Variants in PSMB5 observed in about 807,000 individuals in gnomAD.
PSMB5 encodes proteasome 20S subunit beta 5.
PSMB5 carries 2 observed loss-of-function variants against 22.8 expected under a neutral mutation model. The observed-to-expected ratio is 0.09, with a 90% CI of 0.04 to 0.28. PSMB5 has a LOEUF of 0.28. Among genes scored for constraint, PSMB5 ranks in the 10% least tolerant of loss-of-function variants. PSMB5 has a pLI of 1.00. For missense variants in PSMB5, 269 were observed against 343.8 expected (o/e 0.78, Z 1.72); for synonymous variants, 133 against 135.3 (o/e 0.98, Z 0.12).
chr14:23,032,404 A>G (rs1235029486), intron 2 of PSMB5, among the ~76,000 whole-genome samples: 1 of 152,184 alleles, frequency 6.6e-6, no homozygotes, highest in Non-Finnish European at 1.5e-5. Flanking sequence ...AAACAATGCC[A>G]TTACACGCCA....
rs1483767451 is a variant in PSMB5, at chr14:23,030,406, G to A, written c.505+2962C>T. 2.0e-5 allele frequency among the ~76,000 whole-genome samples: 3 copies of A among 151,064 alleles called. No individual in the cohort carries two copies. The East Asian group carries it at 6.1e-4, about 31-fold the overall frequency. ...CGGGAGGCTGAGGCAGGAGAATGGC[G>A]TGAATCCGGGAGGCGGAGCTTGCAG... is the stretch of plus-strand genomic sequence containing the variant. On this transcript the variant is annotated intron_variant, in intron 2 of 2. Coordinates refer to ENST00000361611, the MANE Select transcript of PSMB5 (RefSeq NM_002797.5).
intron 1 of PSMB5, 122 bp downstream of exon 1, chr14:23,034,562 C>A: frequency 2.6e-6 from 3 of 1,168,916 alleles, no homozygotes; most frequent in Non-Finnish European, 3.6e-6. Context: ...GCGGTCCGAA[C>A]GAGAGGACCC....
chr14:23,027,919 G>T, intron 2 of PSMB5: 2 of 894,700 alleles, frequency 2.2e-6, no homozygotes, highest in Non-Finnish European at 3.4e-6. Context: ...CGAGGCAGGT[G>T]GGTCACCTGA....
chr14:23,032,865 G>A (rs894376911), intron 2 of PSMB5, among the ~76,000 whole-genome samples: 32 of 150,200 alleles, frequency 2.1e-4, no homozygotes, highest in African/African-American at 7.4e-4. Context: ...CCAAAGTGCT[G>A]GGATTACAGG....
upstream of PSMB5, chr14:23,035,022 A>G (rs1003785365): frequency 5.6e-6 from 8 of 1,424,892 alleles, no homozygotes; most frequent in African/African-American, 1.4e-5. Flanking sequence ...ACGCCTCCAA[A>G]AAGAAGAGCC....
intron 2 of PSMB5, among the ~76,000 whole-genome samples, chr14:23,029,670 C>A (rs1482997451): frequency 6.6e-6 from 1 of 152,230 alleles, no homozygotes; most frequent in East Asian, 1.9e-4. Context: ...CCTGCCTCAG[C>A]CTCCTGAGTA....
In PSMB5 at chr14:23,034,847, G is replaced by T. The variant is rs756568325; in HGVS notation, c.35C>A (p.Pro12Gln). The T allele has an allele frequency of 1.2e-6, 2 of 1,614,222 alleles. No individual in the cohort carries two copies. Among genetic ancestry groups the T allele is most frequent in the South Asian group, 1.1e-5 (1 of 91,084 alleles). ...TCCGAAAAACCCGCGCTGGTTCACC[G>T]GTAGCGGTCTCTCCAACACGCTGGC... is the stretch of plus-strand genomic sequence containing the variant. ...ALASVLERPL[P>Q]VNQRGFFGLG... The change falls in exon 1 of 3, where the codon CCG (proline) becomes CAG (glutamine). Residue 12 changes from proline to glutamine, a missense_variant. Pro to Gln is a moderately conservative substitution (Grantham distance 76). Coordinates refer to ENST00000361611, the MANE Select transcript of PSMB5 (RefSeq NM_002797.5).
At chr14:23,026,773 G>C (rs943699320) in intron 2 of PSMB5, among the ~76,000 whole-genome samples, 1 of 148,726 alleles carries the variant, frequency 6.7e-6, no homozygotes, top group Non-Finnish European at 1.5e-5. Context: ...TTAAAACCTA[G>C]AATAAAATTT....
intron 2 of PSMB5, among the ~76,000 whole-genome samples, chr14:23,032,602 T>C (rs1594715043): frequency 6.6e-6 from 1 of 151,886 alleles, no homozygotes; most frequent in East Asian, 1.9e-4. Context: ...AATTCTTTTT[T>C]TTGTTTTTTT....
At chr14:23,034,917 G>T, upstream of PSMB5, 1 of 1,596,162 alleles carries the variant, frequency 6.3e-7, no homozygotes, top group East Asian at 2.3e-5. Flanking sequence ...TTCTGAGAAC[G>T]CCTAGCAAAG....
chr14:23,034,323 T>C (rs1400185097), intron 1 of PSMB5, among the ~76,000 whole-genome samples: 1 of 152,118 alleles, frequency 6.6e-6, no homozygotes, highest in Non-Finnish European at 1.5e-5. Flanking sequence ...GGCCGCCCAG[T>C]TTCCAAAACT....
chr14:23,034,420 A>C, intron 1 of PSMB5: 1 of 442,290 alleles, frequency 2.3e-6, no homozygotes, highest in Non-Finnish European at 4.1e-6. Flanking sequence ...AACAGCAGCA[A>C]CCTGGGGTCG....
At chr14:23,033,106 C>G (rs2046965467) in intron 2 of PSMB5, among the ~76,000 whole-genome samples, 1 of 151,326 alleles carries the variant, frequency 6.6e-6, no homozygotes, top group Non-Finnish European at 1.5e-5. Context: ...GGGGTTTCGC[C>G]ATGTTGGCCA....
intron 2 of PSMB5, among the ~76,000 whole-genome samples, chr14:23,032,022 G>A (rs1045610553): frequency 2.0e-5 from 3 of 152,198 alleles, no homozygotes; most frequent in African/African-American, 7.2e-5. Context: ...CTGGGAGGCA[G>A]AGATTGCAGT....
intron 2 of PSMB5, chr14:23,027,912 G>A: frequency 1.0e-6 from 1 of 993,630 alleles, no homozygotes; most frequent in Non-Finnish European, 1.5e-6. Context: ...GGGAGGCCGA[G>A]GCAGGTGGGT....
intron 2 of PSMB5, among the ~76,000 whole-genome samples, chr14:23,027,392 A>AAAT (rs957701841): frequency 7.8e-5 from 11 of 141,420 alleles, no homozygotes; most frequent in South Asian, 6.4e-4. Context: ...AAAAAAAAAA[A>AAAT]AATAATAATA....
chr14:23,035,187 G>A (rs1396280306), upstream of PSMB5: 1 of 353,124 alleles, frequency 2.8e-6, no homozygotes, highest in Non-Finnish European at 5.2e-6. Flanking sequence ...GACTGAAAAC[G>A]TCCATGTTGC....
chr14:23,033,780 TC>T, intron 1 of PSMB5, 106 bp from the exon 2 acceptor site: 1 of 1,010,534 alleles, frequency 9.9e-7, no homozygotes, highest in Non-Finnish European at 1.4e-6. Flanking sequence ...TCTTTCTCCG[TC>T]CTTTTATACT....
intron 2 of PSMB5, 44 bp downstream of exon 2, chr14:23,033,324 C>G: frequency 6.3e-7 from 1 of 1,579,106 alleles, no homozygotes; most frequent in Non-Finnish European, 8.6e-7. Flanking sequence ...CCCCTCCTCA[C>G]TGTAGTGTCA....
Sources: allele counts gnomAD v4.1 joint callset (sites outside exome capture counted in the v4.1 genomes callset), GRCh38; gene constraint gnomAD v4.1.1; transcripts MANE v1.5; gene names NCBI Gene and HGNC (gene_info 2026-07-23, HGNC 2026-07-21).